The following IGF1 variants were observed in gnomAD, a reference collection of about 807,000 sequenced individuals.
The protein encoded by IGF1 is insulin like growth factor 1, also known as insulin-like growth factor 1.
A neutral mutation model predicts 13.8 loss-of-function variants in IGF1; 4 were observed. The observed-to-expected ratio is 0.29, with a 90% CI of 0.14 to 0.66. The LOEUF (loss-of-function observed/expected upper bound fraction) is 0.66. Among genes scored for constraint, IGF1 ranks in the 30% least tolerant of loss-of-function variants. The pLI, the probability that IGF1 is intolerant of heterozygous loss-of-function variation, is 0.78. For missense variants in IGF1, 124 were observed against 188.5 expected (o/e 0.66, Z 2.00); for synonymous variants, 76 against 72.6 (o/e 1.05, Z -0.23).
At chr12:102,416,971 G>T (rs1019495788) in intron 3 of IGF1, among the ~76,000 whole-genome samples, 2 of 152,170 alleles carry the variant, frequency 1.3e-5, no homozygotes, top group Admixed American at 6.5e-5. Flanking sequence ...GATATGTATG[G>T]AGGGAAGATG....
chr12:102,426,226 C>T (rs1332943431), intron 2 of IGF1, among the ~76,000 whole-genome samples: 1 of 152,178 alleles, frequency 6.6e-6, no homozygotes, highest in African/African-American at 2.4e-5. Flanking sequence ...GTTAAGCTTT[C>T]ATTTGGCAAA....
At chr12:102,441,711 G>A (rs927362388) in intron 2 of IGF1, among the ~76,000 whole-genome samples, 8 of 152,094 alleles carry the variant, frequency 5.3e-5, no homozygotes, top group African/African-American at 1.9e-4. Context: ...AGTGCATCTG[G>A]TTTATACATA....
At chr12:102,450,137 G>A (rs1457724365) in intron 2 of IGF1, among the ~76,000 whole-genome samples, 1 of 152,150 alleles carries the variant, frequency 6.6e-6, no homozygotes, top group Non-Finnish European at 1.5e-5. Flanking sequence ...TTTCTACAGG[G>A]GAAGTGCTTT....
chr12:102,470,519 C>T (rs936157205), intron 2 of IGF1, among the ~76,000 whole-genome samples: 2 of 152,200 alleles, frequency 1.3e-5, no homozygotes, highest in Non-Finnish European at 2.9e-5. Context: ...CATTGCTTCT[C>T]TTTAATAATA....
chr12:102,481,347 CTGTGTGTGTGTG>C (rs3033407), upstream of IGF1, among the ~76,000 whole-genome samples: 85 of 140,372 alleles, frequency 6.1e-4, no homozygotes, highest in Admixed American at 4.1e-3. Context: ...TAACTCAAAC[CTGTGTGTGTGTG>C]TGTGTGTGTG....
chr12:102,427,488 T>C (rs1455493127), intron 2 of IGF1, among the ~76,000 whole-genome samples: 2 of 152,196 alleles, frequency 1.3e-5, no homozygotes, highest in Middle Eastern at 3.2e-3. Flanking sequence ...TTTCTTTTTT[T>C]CTTTGTAACT....
chr12:102,432,910 C>A (rs1876865418), intron 2 of IGF1, among the ~76,000 whole-genome samples: 1 of 152,080 alleles, frequency 6.6e-6, no homozygotes, highest in South Asian at 2.1e-4. Context: ...AAATAAAAAA[C>A]TTAAAAAGAA....
At chr12:102,437,837 G>C (rs1877377607) in intron 2 of IGF1, among the ~76,000 whole-genome samples, 1 of 152,184 alleles carries the variant, frequency 6.6e-6, no homozygotes. Flanking sequence ...TACCCTGTTA[G>C]ACTTTTACAC....
At chr12:102,457,026 G>T (rs191230279) in intron 2 of IGF1, among the ~76,000 whole-genome samples, 1 of 152,160 alleles carries the variant, frequency 6.6e-6, no homozygotes, top group South Asian at 2.1e-4. Flanking sequence ...GGCAGGCAGG[G>T]CTGACTGTAC....
At chr12:102,422,379 G>C (rs1875809271) in intron 2 of IGF1, among the ~76,000 whole-genome samples, 1 of 152,072 alleles carries the variant, frequency 6.6e-6, no homozygotes, top group Admixed American at 6.5e-5. Context: ...GTACGTCATT[G>C]GGAATATATG....
chr12:102,478,101 A>G (rs1424544731), intron 1 of IGF1, among the ~76,000 whole-genome samples: 1 of 151,246 alleles, frequency 6.6e-6, no homozygotes, highest in African/African-American at 2.4e-5. Context: ...TGTAGGGAAC[A>G]GTCCAGTACA....
At chr12:102,403,435 C>A (rs1456913138) in intron 3 of IGF1, among the ~76,000 whole-genome samples, 1 of 151,296 alleles carries the variant, frequency 6.6e-6, no homozygotes, top group Non-Finnish European at 1.5e-5. Context: ...CATCAACAAG[C>A]AATGATGTTA....
rs5742670 is a variant in IGF1, at chr12:102,421,985, T to C, written c.221-2295A>G. Among the ~76,000 whole-genome samples the C allele has an allele frequency of 1.2e-4, 19 of 152,182 alleles. No homozygotes were observed. In the South Asian group the frequency reaches 3.3e-3, roughly 27 times the overall value. On this transcript the variant is annotated intron_variant, in intron 2 of 3. Transcript: ENST00000337514. ...AACCATGAAACTCACCACATGTCGA[T>C]TTCCTCTTGTAAAATAGAAAGTCAT...
At position 102,456,061 on chromosome 12, in the gene IGF1, A is replaced by G. The variant is rs73180993; in HGVS notation, c.220+19582T>C. Among the ~76,000 whole-genome samples the G allele has an allele frequency of 9.3e-3, 1,418 of 152,268 alleles. 14 individuals are homozygous for G. Among genetic ancestry groups the G allele is most frequent in the Middle Eastern group, 0.034 (10 of 294 alleles). On this transcript the variant is annotated intron_variant, in intron 2 of 3. Transcript: ENST00000337514. ...TGTTAATATGGGTTGCTAAGGAACC[A>G]TATGTACATGGTAATTTGGTAAAAC... is the stretch of plus-strand genomic sequence containing the variant.
intron 2 of IGF1, among the ~76,000 whole-genome samples, chr12:102,466,564 T>C (rs930466512): frequency 2.6e-5 from 4 of 152,114 alleles, no homozygotes; most frequent in South Asian, 2.1e-4. Flanking sequence ...CTGTTGCCAA[T>C]GGCGCTTGGG....
chr12:102,414,569 G>C (rs914138553), intron 3 of IGF1, among the ~76,000 whole-genome samples: 1 of 151,908 alleles, frequency 6.6e-6, no homozygotes, highest in African/African-American at 2.4e-5. Context: ...TTACAGGTGC[G>C]TGCCACCATG....
intron 2 of IGF1, among the ~76,000 whole-genome samples, chr12:102,422,152 G>T (rs78199468): frequency 1.6e-3 from 245 of 152,254 alleles, no homozygotes; most frequent in African/African-American, 5.6e-3. Flanking sequence ...TCTGTAGATC[G>T]ATGGGTTTAG....
chr12:102,463,575 G>C (rs1423604125), intron 2 of IGF1: 1 of 152,178 alleles, frequency 6.6e-6, no homozygotes, highest in Non-Finnish European at 1.5e-5. Flanking sequence ...GATCAGATTT[G>C]GGATAAAGAG....
intron 1 of IGF1, among the ~76,000 whole-genome samples, chr12:102,477,746 CCTT>C (rs2137288601): frequency 6.6e-6 from 1 of 152,252 alleles, no homozygotes; most frequent in Admixed American, 6.5e-5. Context: ...TCCACCCCTC[CCTT>C]CTTTGTTGCG....
Sources: allele counts gnomAD v4.1 joint callset (sites outside exome capture counted in the v4.1 genomes callset), GRCh38; gene constraint gnomAD v4.1.1; transcripts MANE v1.5; gene names NCBI Gene and HGNC (gene_info 2026-07-23, HGNC 2026-07-21).